CMIP: variants seen among roughly 807,000 people sequenced by gnomAD.
CMIP encodes the protein C-Maf-inducing protein.
CMIP carries 13 observed loss-of-function variants against 97.3 expected under a neutral mutation model. The observed-to-expected ratio is 0.13, with a 90% CI of 0.09 to 0.21. The LOEUF is 0.21. CMIP is among the 10% of genes least tolerant of loss of function. The probability of loss-of-function intolerance (pLI) is 1.00; values close to 1 mark genes in which losing one functional copy is unlikely to be tolerated. For synonymous variants in CMIP, 538 were observed against 436.3 expected (o/e 1.23, Z -2.91); for missense variants, 847 against 1,024.9 (o/e 0.83, Z 2.37).
chr16:81,515,721 G>T (rs2089899902), intron 1 of CMIP, among the ~76,000 whole-genome samples: 1 of 152,170 alleles, frequency 6.6e-6, no homozygotes, highest in Non-Finnish European at 1.5e-5. Flanking sequence ...GTTTGCCCTT[G>T]GGGTCCGTTC....
intron 1 of CMIP, among the ~76,000 whole-genome samples, chr16:81,589,938 G>C (rs1180885049): frequency 6.6e-6 from 1 of 152,234 alleles, no homozygotes; most frequent in East Asian, 1.9e-4. Context: ...GGTCCCTCAA[G>C]ATCTCAGAGA....
chr16:81,524,445 C>G (rs2090088868), intron 1 of CMIP, among the ~76,000 whole-genome samples: 1 of 152,240 alleles, frequency 6.6e-6, no homozygotes, highest in African/African-American at 2.4e-5. Context: ...GGTGAGTTAA[C>G]TAAGTCATCT....
intron 1 of CMIP, among the ~76,000 whole-genome samples, chr16:81,454,101 G>A (rs1371112878): frequency 6.6e-6 from 1 of 152,182 alleles, no homozygotes; most frequent in East Asian, 1.9e-4. Flanking sequence ...TGAGGTTGGG[G>A]GCATTTCGGC....
intron 9 of CMIP, among the ~76,000 whole-genome samples, chr16:81,675,090 C>T (rs917396881): frequency 3.3e-5 from 5 of 152,178 alleles, no homozygotes; most frequent in Admixed American, 6.5e-5. Flanking sequence ...TACGTTAATA[C>T]CTCCTGGCTG....
chr16:81,446,701 A>G (rs1346736097), intron 1 of CMIP, among the ~76,000 whole-genome samples: 5 of 152,134 alleles, frequency 3.3e-5, no homozygotes, highest in African/African-American at 7.2e-5. Context: ...TGTCGCTTAC[A>G]TGGCATGTCA....
intron 3 of CMIP, among the ~76,000 whole-genome samples, chr16:81,648,190 C>T (rs868352446): frequency 1.3e-5 from 2 of 151,664 alleles, no homozygotes; most frequent in Middle Eastern, 3.4e-3. Flanking sequence ...TTCACCCGAC[C>T]ATCGTGGCCC....
chr16:81,673,624 GT>G (rs2092702724), intron 9 of CMIP, among the ~76,000 whole-genome samples: 1 of 152,220 alleles, frequency 6.6e-6, no homozygotes, highest in South Asian at 2.1e-4. Context: ...CACACTGAGA[GT>G]TGCTCTGCTG....
Position 81,614,324 on chromosome 16 carries a change from G to A in CMIP, c.427-6552G>A, listed in dbSNP as rs765150053. ...CACGGCATTGTTTCTAACTTGTGCT[G>A]TGTGTCCACCATGGGCCAGTGGGGG... On this transcript the variant is annotated intron_variant, in intron 2 of 20. Coordinates refer to ENST00000537098, the MANE Select transcript of CMIP (RefSeq NM_198390.3). The surrounding 1 kb of genome is among the most constrained non-coding windows in gnomAD (Gnocchi z 5.3). Among the ~76,000 whole-genome samples the A allele has an allele frequency of 6.6e-6, 1 of 152,228 alleles. No homozygotes were observed. Among genetic ancestry groups the A allele is most frequent in the African/African-American group, 2.4e-5 (1 of 41,454 alleles).
At chr16:81,475,999 A>AG (rs570861037) in intron 1 of CMIP, 184 of 573,592 alleles carry the variant, frequency 3.2e-4, no homozygotes, top group Non-Finnish European at 5.1e-4. Context: ...AAAAAAAAAA[A>AG]AAAGATAAAA....
chr16:81,544,737 G>A (rs1267057222), intron 1 of CMIP, among the ~76,000 whole-genome samples: 1 of 152,040 alleles, frequency 6.6e-6, no homozygotes, highest in African/African-American at 2.4e-5. Flanking sequence ...GTGCATGTGT[G>A]TGTGTGCGTG....
intron 1 of CMIP, among the ~76,000 whole-genome samples, chr16:81,527,240 C>T (rs1008744135): frequency 2.6e-5 from 4 of 152,148 alleles, no homozygotes; most frequent in Non-Finnish European, 5.9e-5. Context: ...TGGCCGGGAG[C>T]CCACGGTGGG....
At chr16:81,688,831 C>T (rs948629476) in intron 10 of CMIP, among the ~76,000 whole-genome samples, 1 of 152,178 alleles carries the variant, frequency 6.6e-6, no homozygotes, top group African/African-American at 2.4e-5. Flanking sequence ...ACAACAGGCC[C>T]CGGTGTGTGA....
chr16:81,504,756 T>C (rs1020950865), intron 1 of CMIP, among the ~76,000 whole-genome samples: 1 of 151,844 alleles, frequency 6.6e-6, no homozygotes, highest in Non-Finnish European at 1.5e-5. Context: ...GTGGTCCCAG[T>C]CTGTGCCTAT....
intron 1 of CMIP, among the ~76,000 whole-genome samples, chr16:81,564,187 C>T (rs1270005950): frequency 1.3e-5 from 2 of 152,156 alleles, no homozygotes; most frequent in Non-Finnish European, 2.9e-5. Flanking sequence ...AAAAGAATGC[C>T]GCCCTCACAC....
chr16:81,521,870 C>G (rs1178856611), intron 1 of CMIP, among the ~76,000 whole-genome samples: 1 of 152,134 alleles, frequency 6.6e-6, no homozygotes, highest in Non-Finnish European at 1.5e-5. Flanking sequence ...GTTCCCTTGT[C>G]TTTTTGGTAT....
chr16:81,626,713 T>TGTG (rs933262506), intron 3 of CMIP, among the ~76,000 whole-genome samples: 1 of 142,030 alleles, frequency 7.0e-6, no homozygotes, highest in Non-Finnish European at 1.5e-5. Context: ...TATGAGGGTG[T>TGTG]GTGGTGTGGG....
intron 1 of CMIP, among the ~76,000 whole-genome samples, chr16:81,459,416 G>A (rs913388717): frequency 1.3e-5 from 2 of 152,096 alleles, no homozygotes; most frequent in African/African-American, 2.4e-5. Flanking sequence ...CGTGACCTCA[G>A]GCACCATTAT....
At chr16:81,483,391 C>A (rs76669629) in intron 1 of CMIP, among the ~76,000 whole-genome samples, 8,911 of 152,132 alleles carry the variant, frequency 0.059, 320 homozygotes, top group Middle Eastern at 0.12. Flanking sequence ...AGGAGGGTGG[C>A]AGGAGGTGAG....
rs917013275 is a variant in CMIP at position 81,707,100 on chromosome 16, C to G, written c.2268+16C>G. On this transcript the variant is annotated intron_variant, in intron 20 of 20. Transcript: ENST00000537098. ...AGATCTGAAGGTAATTCCCTCCTTC[C>G]TCCCCACTCTCCTCCCCTCCTTCTT... is the stretch of plus-strand genomic sequence containing the variant. The G allele has an allele frequency of 1.2e-6, 2 of 1,605,536 alleles. No homozygotes were observed. Among genetic ancestry groups the G allele is most frequent in the Non-Finnish European group, 8.5e-7 (1 of 1,172,314 alleles).
Sources: allele counts gnomAD v4.1 joint callset (sites outside exome capture counted in the v4.1 genomes callset), GRCh38; gene constraint gnomAD v4.1.1; non-coding constraint Gnocchi (gnomAD v3.1); transcripts MANE v1.5; gene names NCBI Gene and HGNC (gene_info 2026-07-23, HGNC 2026-07-21).